The following EIF2AK3 variants were observed in gnomAD, a reference collection of about 807,000 sequenced individuals.
EIF2AK3 encodes the protein eukaryotic translation initiation factor 2-alpha kinase 3.
Under a neutral mutation model 113.5 loss-of-function variants are expected in EIF2AK3, and 50 were observed. The observed-to-expected ratio is 0.44, with a 90% CI of 0.35 to 0.56. The LOEUF is 0.56. Ranked by LOEUF, EIF2AK3 falls within the 20% of genes least tolerant of loss-of-function variation. EIF2AK3 has a pLI of 0.00. For missense variants in EIF2AK3, 1,185 were observed against 1,378.0 expected (o/e 0.86, Z 2.22); for synonymous variants, 448 against 495.4 (o/e 0.90, Z 1.27).
chr2:88,557,686 A>G lies in EIF2AK3; in HGVS notation c.*50T>C. On this transcript the variant is annotated 3_prime_UTR_variant, in exon 17 of 17. Coordinates refer to ENST00000303236, the MANE Select transcript of EIF2AK3 (RefSeq NM_004836.7). ...AATTTTGGACAGGCATATTCTAAGAAGTAGGCTATTATCTGCATCACCTAT... is the reference window on the plus strand; with the variant it reads ...AATTTTGGACAGGCATATTCTAAGAGGTAGGCTATTATCTGCATCACCTAT... 1 of 1,592,434 alleles carries G rather than the reference A, an allele frequency of 6.3e-7. No individual in the cohort carries two copies. The highest frequency in any genetic ancestry group is 8.6e-7 in the Non-Finnish European group (1 of 1,160,308).
intron 1 of EIF2AK3, among the ~76,000 whole-genome samples, chr2:88,621,601 T>C (rs1191991121): frequency 6.6e-6 from 1 of 152,240 alleles, no homozygotes; most frequent in Non-Finnish European, 1.5e-5. Flanking sequence ...GCATATGTTC[T>C]TGTTTAGAAA....
chr2:88,621,379 G>A (rs1052425466), intron 1 of EIF2AK3, among the ~76,000 whole-genome samples: 11 of 152,156 alleles, frequency 7.2e-5, no homozygotes, highest in Non-Finnish European at 1.0e-4. Context: ...GGAAGTTTCC[G>A]ATGTGAAAGA....
At chr2:88,571,099 A>G (rs1674296054) in intron 13 of EIF2AK3, 58 bp from the exon 14 acceptor site, 2 of 1,573,168 alleles carry the variant, frequency 1.3e-6, no homozygotes, top group African/African-American at 1.4e-5. Context: ...GAAAAAGTAA[A>G]GAGAATTATT....
At chr2:88,621,109 T>C (rs1000480696) in intron 1 of EIF2AK3, among the ~76,000 whole-genome samples, 1 of 152,250 alleles carries the variant, frequency 6.6e-6, no homozygotes, top group African/African-American at 2.4e-5. Flanking sequence ...AAGTGGCAAC[T>C]ACTATATTAC....
chr2:88,605,422 T>C (rs1271927464), intron 2 of EIF2AK3, among the ~76,000 whole-genome samples: 1 of 152,220 alleles, frequency 6.6e-6, no homozygotes, highest in African/African-American at 2.4e-5. Flanking sequence ...AGGTCAGTTA[T>C]TTCTTTCCCA....
At chr2:88,579,785 A>G in intron 10 of EIF2AK3, 145 bp from the exon 11 acceptor site, 1 of 733,224 alleles carries the variant, frequency 1.4e-6, no homozygotes, top group Non-Finnish European at 2.2e-6. Flanking sequence ...AATTTGATTA[A>G]CAGCATTTTT....
chr2:88,586,938 G>A (rs928876844), intron 8 of EIF2AK3, among the ~76,000 whole-genome samples: 3 of 150,438 alleles, frequency 2.0e-5, no homozygotes, highest in African/African-American at 7.3e-5. Flanking sequence ...CGGGCACAGT[G>A]GCTCACGCCT....
At chr2:88,576,145 A>G (rs1674451453) in intron 12 of EIF2AK3, among the ~76,000 whole-genome samples, 1 of 152,254 alleles carries the variant, frequency 6.6e-6, no homozygotes, top group Non-Finnish European at 1.5e-5. Flanking sequence ...AAAAATGGAG[A>G]CAGAAGCAGA....
chr2:88,604,820 T>A (rs564325452), intron 2 of EIF2AK3, among the ~76,000 whole-genome samples: 1 of 152,336 alleles, frequency 6.6e-6, no homozygotes, highest in South Asian at 2.1e-4. Context: ...CTTTGAGTAA[T>A]TAATCTCCAT....
intron 2 of EIF2AK3, among the ~76,000 whole-genome samples, chr2:88,611,238 G>A (rs751120513): frequency 2.0e-5 from 3 of 152,080 alleles, no homozygotes; most frequent in East Asian, 1.9e-4. Flanking sequence ...ATATATAGCC[G>A]GTCAGCAACC....
intron 14 of EIF2AK3, among the ~76,000 whole-genome samples, chr2:88,570,209 T>A (rs1278229645): frequency 6.6e-6 from 1 of 152,236 alleles, no homozygotes; most frequent in Non-Finnish European, 1.5e-5. Flanking sequence ...AGAAAACCTT[T>A]TGGGTTCTCA....
rs1015978946 is a variant in EIF2AK3, at chr2:88,590,135, T to C, written c.1165+308A>G. 1.2e-4 allele frequency among the ~76,000 whole-genome samples: 19 copies of C among 152,230 alleles called. No individual in the cohort carries two copies. In the South Asian group the frequency reaches 3.5e-3, roughly 28 times the overall value. ...CAGTAATCCCAGCTACTTAGGAGGCTGAGGCAGGAGAATCGCTTGAACCCA... is the reference window on the plus strand; with the variant it reads ...CAGTAATCCCAGCTACTTAGGAGGCCGAGGCAGGAGAATCGCTTGAACCCA... On this transcript the variant is annotated intron_variant, in intron 6 of 16. Coordinates refer to ENST00000303236, the MANE Select transcript of EIF2AK3 (RefSeq NM_004836.7).
At chr2:88,613,967 A>G in intron 1 of EIF2AK3, 114 bp from the exon 2 acceptor site, 1 of 931,688 alleles carries the variant, frequency 1.1e-6, no homozygotes, top group Non-Finnish European at 1.6e-6. Flanking sequence ...GTAGAAAGGA[A>G]GAGGGGGCCT....
At chr2:88,564,852 G>A (rs1674064510) in intron 14 of EIF2AK3, among the ~76,000 whole-genome samples, 1 of 152,148 alleles carries the variant, frequency 6.6e-6, no homozygotes. Flanking sequence ...ACCCAGGCAG[G>A]GAGTGAAGGG....
chr2:88,558,100 C>A (rs1221655343), intron 16 of EIF2AK3, among the ~76,000 whole-genome samples, 164 bp from the exon 17 acceptor site: 1 of 152,116 alleles, frequency 6.6e-6, no homozygotes, highest in Admixed American at 6.5e-5. Flanking sequence ...CGTCAATGCA[C>A]AAAAGCATCC....
At chr2:88,626,932 A>T (rs1277465354) in intron 1 of EIF2AK3, 35 bp downstream of exon 1, 1 of 1,604,378 alleles carries the variant, frequency 6.2e-7, no homozygotes, top group Admixed American at 1.7e-5. Flanking sequence ...CGCGCGCGTA[A>T]ACAAGTTGCC....
intron 10 of EIF2AK3, among the ~76,000 whole-genome samples, chr2:88,582,473 A>G (rs1016204618): frequency 2.5e-4 from 38 of 152,286 alleles, no homozygotes; most frequent in African/African-American, 8.2e-4. Flanking sequence ...TTGTTCTCCA[A>G]TGGGAAAGGG....
intron 9 of EIF2AK3, among the ~76,000 whole-genome samples, chr2:88,585,436 TAAG>T (rs1674696241): frequency 2.0e-5 from 3 of 151,834 alleles, no homozygotes; most frequent in Admixed American, 2.0e-4. Context: ...CATTAGTATA[TAAG>T]AAGATTGGAG....
At chr2:88,559,001 CTTA>C (rs1372813559) in intron 15 of EIF2AK3, 22 bp from the exon 16 acceptor site, 3 of 1,492,324 alleles carry the variant, frequency 2.0e-6, no homozygotes, top group Non-Finnish European at 2.8e-6. Flanking sequence ...AAAAGTATCA[CTTA>C]TTAAGTTTAT....
Sources: allele counts gnomAD v4.1 joint callset (sites outside exome capture counted in the v4.1 genomes callset), GRCh38; gene constraint gnomAD v4.1.1; transcripts MANE v1.5; gene names NCBI Gene and HGNC (gene_info 2026-07-23, HGNC 2026-07-21).